Variants in ADAMTS16 observed in about 807,000 individuals in gnomAD.
ADAMTS16 encodes the protein A disintegrin and metalloproteinase with thrombospondin motifs 16.
Under a neutral mutation model 145.8 loss-of-function variants are expected in ADAMTS16, and 94 were observed. The observed-to-expected ratio is 0.64, with a 90% CI of 0.55 to 0.77. The LOEUF is 0.77. Among genes scored for constraint, ADAMTS16 ranks in the 30% least tolerant of loss-of-function variants. The probability of loss-of-function intolerance (pLI) is 0.00; values close to 1 mark genes in which losing one functional copy is unlikely to be tolerated. For missense variants in ADAMTS16, 1,585 were observed against 1,591.5 expected (o/e 1.00, Z 0.07); for synonymous variants, 659 against 604.3 (o/e 1.09, Z -1.33).
At chr5:5,271,500 G>T (rs997522442) in intron 18 of ADAMTS16, among the ~76,000 whole-genome samples, 1 of 152,258 alleles carries the variant, frequency 6.6e-6, no homozygotes, top group Non-Finnish European at 1.5e-5. Context: ...GCCCCCATCT[G>T]CATTCTAGCA....
At chr5:5,293,657 T>A (rs1466449264) in intron 18 of ADAMTS16, among the ~76,000 whole-genome samples, 1 of 152,156 alleles carries the variant, frequency 6.6e-6, no homozygotes, top group Non-Finnish European at 1.5e-5. Flanking sequence ...GTGCTTGCAG[T>A]GAGCTTGCGT....
At position 5,255,268 on chromosome 5, in the gene ADAMTS16, C is replaced by CA. The variant is rs200812019; in HGVS notation, c.2663-7382dup. On this transcript the variant is annotated intron_variant, in intron 17 of 22. Coordinates refer to ENST00000274181, the MANE Select transcript of ADAMTS16 (RefSeq NM_139056.4). ...GTCAATGTATCAGTGACAGTTTCAC[C>CA]AAAAAAATAGAAACCTTTCTAGGTA... Among the ~76,000 whole-genome samples the CA allele has an allele frequency of 8.8e-3, 1,340 of 151,792 alleles. 8 individuals are homozygous for CA. Among genetic ancestry groups the CA allele is most frequent in the South Asian group, 0.016 (75 of 4,794 alleles).
intron 3 of ADAMTS16, among the ~76,000 whole-genome samples, chr5:5,166,205 G>A (rs1418840420): frequency 6.6e-6 from 1 of 151,656 alleles, no homozygotes; most frequent in African/African-American, 2.4e-5. Context: ...CTGGGTATCT[G>A]GACATACAGT....
rs764937722 is a variant in ADAMTS16 at position 5,182,241 on chromosome 5, G to C, written c.699G>C (p.Leu233=). 1 of 1,614,144 alleles carries C rather than the reference G, an allele frequency of 6.2e-7. No individual in the cohort carries two copies. The highest frequency in any genetic ancestry group is 8.5e-7 in the Non-Finnish European group (1 of 1,180,006). Residue 233 remains leucine (L), a synonymous_variant, in exon 4 of 23, where the codon CTG becomes CTC. Transcript: ENST00000274181. ...CATGGGAGCTGGCACATCAACCCCT[G>C]CACAGCAGCGACCTTCGCCTGGGAC... ...SRTWELAHQP[L]HSSDLRLGLP...
chr5:5,179,782 G>T (rs1379307727), intron 3 of ADAMTS16, among the ~76,000 whole-genome samples: 1 of 152,024 alleles, frequency 6.6e-6, no homozygotes, highest in Non-Finnish European at 1.5e-5. Context: ...GTGGTATTTG[G>T]GCCCCAGGAG....
intron 3 of ADAMTS16, among the ~76,000 whole-genome samples, chr5:5,172,192 A>T (rs149710214): frequency 6.6e-6 from 1 of 152,030 alleles, no homozygotes; most frequent in Non-Finnish European, 1.5e-5. Flanking sequence ...CTTTTCAAAA[A>T]ACCAACTTTT....
chr5:5,251,048 G>A (rs772917037), intron 17 of ADAMTS16, among the ~76,000 whole-genome samples: 2 of 152,108 alleles, frequency 1.3e-5, no homozygotes, highest in African/African-American at 4.8e-5. Flanking sequence ...AAGCCTGCCC[G>A]GGGCGTCAGC....
intron 18 of ADAMTS16, among the ~76,000 whole-genome samples, chr5:5,293,891 C>G (rs533916610): frequency 6.6e-6 from 1 of 152,312 alleles, no homozygotes; most frequent in East Asian, 1.9e-4. Flanking sequence ...TTTACTCTAA[C>G]AGCTGAGGGG....
At chr5:5,302,174 AG>A (rs1349010702) in intron 18 of ADAMTS16, among the ~76,000 whole-genome samples, 1 of 152,148 alleles carries the variant, frequency 6.6e-6, no homozygotes, top group African/African-American at 2.4e-5. Context: ...GAGGCTTGGT[AG>A]ACACACTCAG....
chr5:5,250,251 T>C (rs1737580685), intron 17 of ADAMTS16, among the ~76,000 whole-genome samples: 1 of 152,106 alleles, frequency 6.6e-6, no homozygotes, highest in African/African-American at 2.4e-5. Flanking sequence ...CCTGTTCATA[T>C]CAAATAGACA....
chr5:5,309,453 G>A (rs183909668), intron 21 of ADAMTS16, among the ~76,000 whole-genome samples: 1 of 152,218 alleles, frequency 6.6e-6, no homozygotes, highest in African/African-American at 2.4e-5. Context: ...CCAGCCATGC[G>A]CCTAACCCAT....
chr5:5,159,107 C>G lies in ADAMTS16; in HGVS notation c.501+12652C>G, dbSNP rs1022353820. Among the ~76,000 whole-genome samples the G allele has an allele frequency of 2.0e-5, 3 of 152,188 alleles. No individual in the cohort carries two copies. The East Asian group carries it at 5.8e-4, about 29-fold the overall frequency. ...AATGTCTTTTATCAAAATCCAGAAC[C>G]AAGTGAGTCAACAAGCACTTCAGAG... On this transcript the variant is annotated intron_variant, in intron 3 of 22. Coordinates refer to ENST00000274181, the MANE Select transcript of ADAMTS16 (RefSeq NM_139056.4).
chr5:5,194,686 G>GT (rs1188281960), intron 8 of ADAMTS16, among the ~76,000 whole-genome samples: 18 of 152,310 alleles, frequency 1.2e-4, no homozygotes, highest in Non-Finnish European at 2.6e-4. Context: ...CATTTGTTCA[G>GT]TTCATGTATT....
At chr5:5,291,810 C>T (rs1400201479) in intron 18 of ADAMTS16, among the ~76,000 whole-genome samples, 1 of 152,206 alleles carries the variant, frequency 6.6e-6, no homozygotes, top group Non-Finnish European at 1.5e-5. Flanking sequence ...TCTACATCCA[C>T]AGGCAAAAGC....
intron 8 of ADAMTS16, among the ~76,000 whole-genome samples, chr5:5,199,693 C>T (rs184638495): frequency 8.5e-5 from 13 of 152,288 alleles, no homozygotes; most frequent in East Asian, 7.7e-4. Flanking sequence ...ACAGCTCAAA[C>T]GCCTGGATCT....
chr5:5,200,279 C>G lies in ADAMTS16; in HGVS notation c.1451+10C>G, dbSNP rs1215443524. The G allele has an allele frequency of 6.2e-7, 1 of 1,613,576 alleles. No individual in the cohort carries two copies. The highest frequency in any genetic ancestry group is 8.5e-7 in the Non-Finnish European group (1 of 1,179,790). Reference sequence around the variant, plus strand: ...TACACAAATTTCTAAGGTAGGAACTCTTTAAGCTGGTCTTGTGATCTTTCG... The same window carrying G: ...TACACAAATTTCTAAGGTAGGAACTGTTTAAGCTGGTCTTGTGATCTTTCG... On this transcript the variant is annotated intron_variant, in intron 9 of 22. Transcript: ENST00000274181.
chr5:5,300,554 T>A (rs1284334268), intron 18 of ADAMTS16, among the ~76,000 whole-genome samples: 1 of 152,224 alleles, frequency 6.6e-6, no homozygotes, highest in Non-Finnish European at 1.5e-5. Context: ...ATCTTTTCAG[T>A]GAAAACACTT....
In ADAMTS16 at chr5:5,191,694, C is replaced by A; in HGVS notation, c.1217C>A (p.Pro406His). ...TCTTTGTCCTTCACAGGATTTGCAC[C>A]CATAAGTGGAATGTGTAGTAAATAT... ...NEPCDTLGFA[P>H]ISGMCSKYRS... Residue 406 changes from proline (P) to histidine (H), a missense_variant, in exon 8 of 23, where the codon CCC (proline) becomes CAC (histidine). Pro to His is a moderately conservative substitution (Grantham distance 77). Coordinates refer to ENST00000274181, the MANE Select transcript of ADAMTS16 (RefSeq NM_139056.4). 1 of 1,612,736 alleles carries A rather than the reference C, an allele frequency of 6.2e-7. No individual in the cohort carries two copies. The highest frequency in any genetic ancestry group is 8.5e-7 in the Non-Finnish European group (1 of 1,179,130).
At chr5:5,227,259 G>A (rs1028149627) in intron 11 of ADAMTS16, among the ~76,000 whole-genome samples, 1 of 152,186 alleles carries the variant, frequency 6.6e-6, no homozygotes, top group Non-Finnish European at 1.5e-5. Context: ...TAGGTGTGAC[G>A]TGCTTATTTT....
Sources: gnomAD v4.1 joint callset for allele counts (sites outside exome capture counted in the v4.1 genomes callset) on GRCh38, gnomAD v4.1.1 for gene constraint, MANE v1.5 for transcripts, NCBI Gene and HGNC (gene_info 2026-07-23, HGNC 2026-07-21) for gene names.